BMP1: variants seen among roughly 807,000 people sequenced by gnomAD.
BMP1 encodes mammalian tolloid protein.
Under a neutral mutation model 116.8 loss-of-function variants are expected in BMP1, and 63 were observed. That is an observed-to-expected ratio of 0.54 (90% CI 0.44 to 0.67). The LOEUF (loss-of-function observed/expected upper bound fraction) is 0.67, where lower values mean the gene tolerates loss of function less well. Among genes scored for constraint, BMP1 ranks in the 30% least tolerant of loss-of-function variants. The pLI, the probability that BMP1 is intolerant of heterozygous loss-of-function variation, is 0.00. For missense variants in BMP1, 1,183 were observed against 1,358.9 expected (o/e 0.87, Z 2.04); for synonymous variants, 536 against 533.4 (o/e 1.00, Z -0.07).
chr8:22,179,471 A>G lies in BMP1; in HGVS notation c.837-234A>G, dbSNP rs1202226183. ...CCTGGACCTGCATCCCTGACCTCCCAAAGTGTTCCTGGGGCTCCCCCGACT... is the reference window on the plus strand; with the variant it reads ...CCTGGACCTGCATCCCTGACCTCCCGAAGTGTTCCTGGGGCTCCCCCGACT... On this transcript the variant is annotated intron_variant, in intron 6 of 19. Transcript: ENST00000306385. This position sits in a 1 kb window ranked among gnomAD's most constrained non-coding sequence, Gnocchi z 4.6. 2.0e-5 allele frequency among the ~76,000 whole-genome samples: 3 copies of G among 152,144 alleles called. No homozygotes were observed. The highest frequency in any genetic ancestry group is 6.5e-5 in the Admixed American group (1 of 15,290).
intron 13 of BMP1, chr8:22,196,353 C>G (rs562074559): frequency 1.7e-6 from 1 of 589,312 alleles, no homozygotes; most frequent in Non-Finnish European, 3.2e-6. Flanking sequence ...CTCCCAGGAC[C>G]GCCCCTCCCT....
chr8:22,208,881 A>C (rs1196071358), intron 18 of BMP1, among the ~76,000 whole-genome samples: 1 of 152,134 alleles, frequency 6.6e-6, no homozygotes. Flanking sequence ...TGCCAGGTGC[A>C]CAAAAGCCAG....
At chr8:22,182,190 C>G (rs993642241) in intron 8 of BMP1, among the ~76,000 whole-genome samples, 3 of 152,160 alleles carry the variant, frequency 2.0e-5, no homozygotes, top group African/African-American at 4.8e-5. Context: ...TTGTTCATTT[C>G]GACATCTCAA....
At chr8:22,197,143 G>A (rs1457620492) in intron 14 of BMP1, 97 bp from the exon 15 acceptor site, 15 of 1,481,344 alleles carry the variant, frequency 1.0e-5, no homozygotes, top group Non-Finnish European at 1.4e-5. Context: ...GCTAAGTCAA[G>A]GCTAAAGGAT....
At chr8:22,201,698 T>C in intron 15 of BMP1, 105 bp from the exon 16 acceptor site, 2 of 1,537,220 alleles carry the variant, frequency 1.3e-6, no homozygotes, top group Admixed American at 3.9e-5. Flanking sequence ...CAGCTGTTGC[T>C]CTGTCCCGGT....
chr8:22,211,200 A>T (rs1018814149), intron 19 of BMP1, among the ~76,000 whole-genome samples: 1 of 151,340 alleles, frequency 6.6e-6, no homozygotes, highest in Non-Finnish European at 1.5e-5. Context: ...CATTCAAAGA[A>T]CTCCCTCCCT....
chr8:22,176,985 C>T lies in BMP1; in HGVS notation c.576C>T (p.Arg192=), dbSNP rs150938302. 9 of 1,611,966 alleles carry T rather than the reference C, an allele frequency of 5.6e-6. No individual in the cohort carries two copies. Among genetic ancestry groups the T allele is most frequent in the Admixed American group, 3.3e-5 (2 of 59,908 alleles). ...PCGCCSYVGR[R]GGGPQAISIG... ...GGTGCTGCTCCTACGTGGGTCGCCG[C>T]GGCGGGGGCCCCCAGGCCATCTCCA... The change falls in exon 5 of 20, where the codon CGC becomes CGT. Residue 192 remains arginine, a synonymous_variant. Transcript: ENST00000306385.
chr8:22,191,420 C>A (rs1828927919), intron 8 of BMP1, among the ~76,000 whole-genome samples: 1 of 152,142 alleles, frequency 6.6e-6, no homozygotes, highest in African/African-American at 2.4e-5. Context: ...TAGTGTGTCC[C>A]CCTGCCCAGA....
chr8:22,196,304 C>T (rs780512121), intron 13 of BMP1: 7 of 557,232 alleles, frequency 1.3e-5, no homozygotes, highest in African/African-American at 1.9e-5. Context: ...CTCACTAGGC[C>T]GATCCTGCTG....
At chr8:22,176,732 C>G (rs1828447643) in intron 4 of BMP1, 82 bp downstream of exon 4, 4 of 1,450,316 alleles carry the variant, frequency 2.8e-6, no homozygotes, top group Non-Finnish European at 3.9e-6. Context: ...CTGCCCCCAG[C>G]TGGGCACAGC....
chr8:22,176,416 T>C, intron 3 of BMP1, 103 bp downstream of exon 3: 1 of 1,545,152 alleles, frequency 6.5e-7, no homozygotes, highest in African/African-American at 1.4e-5. Flanking sequence ...GCAGCCCGAG[T>C]GCCCACACAT....
Position 22,209,679 on chromosome 8 carries a change from G to C in BMP1, c.2810G>C (p.Arg937Pro), listed in dbSNP as rs1408532122. ...GACAGCACAGCCCCCAGGCTGGGGC[G>C]CTACTGTGGCTCAGGGGTGAGGCCC... is the stretch of plus-strand genomic sequence containing the variant. Reference protein sequence around the residue: ...GYDSTAPRLGRYCGSGPPEEV... With the variant: ...GYDSTAPRLGPYCGSGPPEEV... The change falls in exon 19 of 20, where the codon CGC (arginine) becomes CCC (proline). Residue 937 changes from arginine to proline, a missense_variant. Around this residue, in one of 4 missense-constraint regions of BMP1, gnomAD observed 956 missense variants for 1,135.2 expected, o/e 0.84. Coordinates refer to ENST00000306385, the MANE Select transcript of BMP1 (RefSeq NM_006129.5). The C allele has an allele frequency of 1.2e-6, 2 of 1,613,870 alleles. No homozygotes were observed. The highest frequency in any genetic ancestry group is 1.7e-6 in the Non-Finnish European group (2 of 1,179,952).
chr8:22,179,814 C>A lies in BMP1; in HGVS notation c.946C>A (p.Leu316Ile). The stretch of plus-strand genomic sequence containing the variant: ...GGGGGACATTGCCCAAGCCCGCAAG[C>A]TTTACAAGTGCCCAGGTCAGGGCAG... ...SKGDIAQARK[L>I]YKCPACGETL... The change falls in exon 7 of 20, where the codon CTT becomes ATT. Residue 316 changes from leucine (L) to isoleucine (I), a missense_variant. Transcript: ENST00000306385. The surrounding 1 kb of genome is among the most constrained non-coding windows in gnomAD (Gnocchi z 4.6). 1 of 1,613,866 alleles carries A rather than the reference C, an allele frequency of 6.2e-7. No homozygotes were observed. Among genetic ancestry groups the A allele is most frequent in the Non-Finnish European group, 8.5e-7 (1 of 1,179,812 alleles).
rs949224148 is a variant in BMP1, at chr8:22,209,841, C to T, written c.2826+146C>T. Reference sequence around the variant, plus strand: ...ACGCGTGTGGCCCTGTGTGGGAGCCCAGAAGCCCAGCCTTGTTGGGGCTAC... The same window carrying T: ...ACGCGTGTGGCCCTGTGTGGGAGCCTAGAAGCCCAGCCTTGTTGGGGCTAC... On this transcript the variant is annotated intron_variant, in intron 19 of 19. Transcript: ENST00000306385. The T allele has an allele frequency of 1.9e-5, 17 of 892,782 alleles. No homozygotes were observed. In the Admixed American group the frequency reaches 4.4e-4, roughly 23 times the overall value. The allele number at this position is 892,782 out of a possible 1,614,324, so 55.3% of individuals were successfully genotyped here. A position where few individuals can be genotyped will look rare whatever the true frequency, so the allele number is the denominator to read the frequency against.
Position 22,194,884 on chromosome 8 carries a change from T to C in BMP1, c.1604T>C (p.Ile535Thr). 1 of 1,612,324 alleles carries C rather than the reference T, an allele frequency of 6.2e-7. No homozygotes were observed. The highest frequency in any genetic ancestry group is 8.5e-7 in the Non-Finnish European group (1 of 1,179,538). The change falls in exon 12 of 20, where the codon ATT becomes ACT. Residue 535 changes from isoleucine to threonine, a missense_variant. By Grantham distance (89) the Ile-to-Thr change is moderately conservative. Around this residue, in one of 4 missense-constraint regions of BMP1, gnomAD observed 956 missense variants for 1,135.2 expected, o/e 0.84. Transcript: ENST00000306385. This position sits in a 1 kb window ranked among gnomAD's most constrained non-coding sequence, Gnocchi z 4.5. ...CTCAAGTTCGTCTCTGACGGGTCCA[T>C]TAACAAAGCGGGCTTTGCCGTCAAC... ...LWLKFVSDGS[I>T]NKAGFAVNFF...
At position 22,194,375 on chromosome 8, in the gene BMP1, A is replaced by G. The variant is rs946290894; in HGVS notation, c.1298-70A>G. On this transcript the variant is annotated intron_variant, in intron 10 of 19. Coordinates refer to ENST00000306385, the MANE Select transcript of BMP1 (RefSeq NM_006129.5). The surrounding 1 kb of genome is among the most constrained non-coding windows in gnomAD (Gnocchi z 4.5). ...ATGGGAGGGACTGGAGGAGTGGGGA[A>G]AAGAGCTCCCTAGCAGGGCAAAGCA... The G allele has an allele frequency of 1.9e-5, 30 of 1,588,080 alleles. No homozygotes were observed. The African/African-American group carries it at 3.9e-4, about 21-fold the overall frequency.
chr8:22,207,029 C>A, intron 17 of BMP1, 48 bp downstream of exon 17: 2 of 1,605,088 alleles, frequency 1.2e-6, no homozygotes, highest in South Asian at 2.2e-5. Context: ...TGCCCCCGGT[C>A]AGAGGCACTG....
At chr8:22,206,362 G>C (rs1013994408) in intron 16 of BMP1, among the ~76,000 whole-genome samples, 19 of 152,020 alleles carry the variant, frequency 1.2e-4, no homozygotes, top group Non-Finnish European at 2.5e-4. Context: ...ATTAGCCAGA[G>C]ATGGTGGCGC....
intron 15 of BMP1, chr8:22,199,026 G>A (rs752624405): frequency 1.3e-5 from 18 of 1,336,416 alleles, no homozygotes; most frequent in Middle Eastern, 2.2e-4. Context: ...CTCCAGTCTT[G>A]GAGGGGGCAG....
Sources: allele counts gnomAD v4.1 joint callset (sites outside exome capture counted in the v4.1 genomes callset), GRCh38; gene constraint gnomAD v4.1.1; regional missense constraint gnomAD v4.1.1; non-coding constraint Gnocchi (gnomAD v3.1); transcripts MANE v1.5; gene names NCBI Gene and HGNC (gene_info 2026-07-23, HGNC 2026-07-21).